Variants in TMEFF2 observed in about 807,000 individuals in gnomAD.
TMEFF2 encodes transmembrane protein with EGF like and two follistatin like domains 2.
TMEFF2 carries 28 observed loss-of-function variants against 53.8 expected under a neutral mutation model. The observed-to-expected ratio is 0.52, with a 90% CI of 0.39 to 0.71. The LOEUF (loss-of-function observed/expected upper bound fraction) is 0.71. TMEFF2 is among the 30% of genes least tolerant of loss of function. The pLI is 0.00. For synonymous variants in TMEFF2, 162 were observed against 166.3 expected (o/e 0.97, Z 0.20); for missense variants, 353 against 455.2 (o/e 0.78, Z 2.04).
intron 4 of TMEFF2, among the ~76,000 whole-genome samples, chr2:192,112,277 G>A (rs1004769732): frequency 6.6e-6 from 1 of 152,320 alleles, no homozygotes; most frequent in South Asian, 2.1e-4. Context: ...CAGGGGCAGA[G>A]CTGCCCAAGG....
chr2:192,116,498 T>C (rs1050993560), intron 4 of TMEFF2, among the ~76,000 whole-genome samples: 1 of 151,918 alleles, frequency 6.6e-6, no homozygotes, highest in Admixed American at 6.6e-5. Flanking sequence ...TGTTATTTAG[T>C]AAGCAAAATG....
intron 4 of TMEFF2, among the ~76,000 whole-genome samples, chr2:192,141,841 T>C (rs2105990594): frequency 6.6e-6 from 1 of 152,312 alleles, no homozygotes; most frequent in East Asian, 1.9e-4. Context: ...GATATTTGTA[T>C]TTATTACAAA....
chr2:192,036,458 G>A (rs1185202574), intron 5 of TMEFF2: 3 of 152,206 alleles, frequency 2.0e-5, no homozygotes, highest in Non-Finnish European at 4.4e-5. Flanking sequence ...GAAAGAGAAG[G>A]GGATGATGAT....
intron 7 of TMEFF2, among the ~76,000 whole-genome samples, chr2:191,998,042 A>T (rs1051625949): frequency 1.3e-5 from 2 of 151,940 alleles, no homozygotes; most frequent in Non-Finnish European, 2.9e-5. Flanking sequence ...TATCTTAGTG[A>T]CATTTTTGAC....
chr2:192,154,355 G>A lies in TMEFF2; in HGVS notation c.439+25313C>T, dbSNP rs150985604. 2.6e-3 allele frequency among the ~76,000 whole-genome samples: 397 copies of A among 152,072 alleles called. 5 individuals are homozygous for A. The highest frequency in any genetic ancestry group is 8.8e-3 in the African/African-American group (367 of 41,520). ...AGAGGACGCTCTGATTGAGGATGTGGTTTGAGTAAGCATGGACATAATGAT... is the reference window on the plus strand; with the variant it reads ...AGAGGACGCTCTGATTGAGGATGTGATTTGAGTAAGCATGGACATAATGAT... On this transcript the variant is annotated intron_variant, in intron 4 of 9. Coordinates refer to ENST00000272771, the MANE Select transcript of TMEFF2 (RefSeq NM_016192.4).
At chr2:192,007,288 A>T (rs972664354) in intron 5 of TMEFF2, among the ~76,000 whole-genome samples, 1 of 152,246 alleles carries the variant, frequency 6.6e-6, no homozygotes, top group African/African-American at 2.4e-5. Context: ...CAAAGCTGTC[A>T]GCAGAATTAA....
At chr2:192,067,076 T>C (rs957883646) in intron 4 of TMEFF2, among the ~76,000 whole-genome samples, 1 of 151,872 alleles carries the variant, frequency 6.6e-6, no homozygotes, top group Admixed American at 6.6e-5. Context: ...ACAGCAAATG[T>C]AGCCAATACT....
intron 7 of TMEFF2, among the ~76,000 whole-genome samples, chr2:191,960,675 C>A (rs1042675585): frequency 5.3e-5 from 8 of 152,168 alleles, no homozygotes; most frequent in African/African-American, 1.7e-4. Context: ...TTGATTCATA[C>A]AGAAGAGTCT....
intron 5 of TMEFF2, among the ~76,000 whole-genome samples, chr2:192,048,989 A>AT (rs768681715): frequency 6.6e-6 from 1 of 152,258 alleles, no homozygotes; most frequent in African/African-American, 2.4e-5. Flanking sequence ...GACTACAAAG[A>AT]AATATATTTT....
chr2:192,069,502 C>T (rs952685843), intron 4 of TMEFF2, among the ~76,000 whole-genome samples: 1 of 150,874 alleles, frequency 6.6e-6, no homozygotes, highest in South Asian at 2.1e-4. Context: ...GCCCATCTTA[C>T]ACAAAATGAA....
intron 7 of TMEFF2, among the ~76,000 whole-genome samples, chr2:191,966,803 C>T (rs1300838457): frequency 6.6e-6 from 1 of 152,098 alleles, no homozygotes; most frequent in East Asian, 1.9e-4. Context: ...ATTAGCAGCA[C>T]AGATATACTT....
In TMEFF2 at chr2:192,194,309, C is replaced by T; in HGVS notation, c.172+44G>A. The T allele has an allele frequency of 6.2e-7, 1 of 1,607,542 alleles. No homozygotes were observed. Among genetic ancestry groups the T allele is most frequent in the East Asian group, 2.2e-5 (1 of 44,762 alleles). ...CTGGTCTGTGCTGGATACGCGTGTT[C>T]TTCTGCGGAGTTAAAGGGTCGGGGA... On this transcript the variant is annotated intron_variant, in intron 1 of 9. Coordinates refer to ENST00000272771, the MANE Select transcript of TMEFF2 (RefSeq NM_016192.4). This position sits in a 1 kb window ranked among gnomAD's most constrained non-coding sequence, Gnocchi z 4.2.
At chr2:192,182,168 T>C (rs1159749639) in intron 3 of TMEFF2, among the ~76,000 whole-genome samples, 1 of 151,908 alleles carries the variant, frequency 6.6e-6, no homozygotes, top group African/African-American at 2.4e-5. Flanking sequence ...TATAAAGTTA[T>C]ATCTTCTACT....
intron 4 of TMEFF2, among the ~76,000 whole-genome samples, chr2:192,141,968 A>T (rs1690149289): frequency 6.6e-6 from 1 of 152,190 alleles, no homozygotes; most frequent in Non-Finnish European, 1.5e-5. Flanking sequence ...AGTATATATT[A>T]TCACATTATG....
chr2:192,017,155 G>T (rs979228038), intron 5 of TMEFF2, among the ~76,000 whole-genome samples: 3 of 152,188 alleles, frequency 2.0e-5, no homozygotes, highest in African/African-American at 7.2e-5. Context: ...GGAGCTACAG[G>T]TGGCTTGGTA....
chr2:192,181,739 A>G (rs1274589770), intron 3 of TMEFF2, among the ~76,000 whole-genome samples: 1 of 151,854 alleles, frequency 6.6e-6, no homozygotes, highest in Non-Finnish European at 1.5e-5. Flanking sequence ...TGCCAATAGC[A>G]TTTTAGCTTG....
intron 5 of TMEFF2, among the ~76,000 whole-genome samples, chr2:192,002,293 T>C (rs1432040730): frequency 1.3e-5 from 2 of 152,168 alleles, no homozygotes; most frequent in South Asian, 2.1e-4. Context: ...TTCCCTGGGA[T>C]ATAAGCTTCA....
intron 8 of TMEFF2, 136 bp downstream of exon 8, chr2:191,956,119 C>T (rs1041136192): frequency 7.0e-6 from 6 of 857,634 alleles, no homozygotes; most frequent in East Asian, 2.7e-5. Flanking sequence ...TATGCATGCA[C>T]AGGAGGAGCA....
At chr2:192,158,509 A>C (rs116741212) in intron 4 of TMEFF2, among the ~76,000 whole-genome samples, 1,609 of 152,268 alleles carry the variant, frequency 0.011, 27 homozygotes, top group African/African-American at 0.036. Context: ...TAATATATTC[A>C]AAATCTACTT....
Sources: allele counts gnomAD v4.1 joint callset (sites outside exome capture counted in the v4.1 genomes callset), GRCh38; gene constraint gnomAD v4.1.1; non-coding constraint Gnocchi (gnomAD v3.1); transcripts MANE v1.5; gene names NCBI Gene and HGNC (gene_info 2026-07-23, HGNC 2026-07-21).